Variants in TANC1 observed in about 807,000 individuals in gnomAD.
TANC1 encodes protein TANC1.
TANC1 carries 77 observed loss-of-function variants against 149.7 expected under a neutral mutation model. The observed-to-expected ratio is 0.51, with a 90% CI of 0.43 to 0.62. The LOEUF (loss-of-function observed/expected upper bound fraction) is 0.62, where lower values mean the gene tolerates loss of function less well. TANC1 is among the 20% of genes least tolerant of loss of function. The pLI, the probability that TANC1 is intolerant of heterozygous loss-of-function variation, is 0.00. For missense variants in TANC1, 1,985 were observed against 2,321.8 expected (o/e 0.85, Z 2.98); for synonymous variants, 854 against 925.0 (o/e 0.92, Z 1.39).
chr2:159,212,129 C>G (rs946474648), intron 19 of TANC1, among the ~76,000 whole-genome samples: 9 of 152,208 alleles, frequency 5.9e-5, no homozygotes, highest in Non-Finnish European at 7.3e-5. Flanking sequence ...GTAGATGAAG[C>G]TTGTTTACCA....
intron 2 of TANC1, among the ~76,000 whole-genome samples, chr2:159,007,763 G>A (rs1334272839): frequency 6.6e-6 from 1 of 152,148 alleles, no homozygotes; most frequent in Admixed American, 6.5e-5. Flanking sequence ...TGAAGAAGTG[G>A]AGAGGAGATG....
At chr2:159,003,909 G>A (rs1027560372) in intron 2 of TANC1, 21 of 1,612,766 alleles carry the variant, frequency 1.3e-5, no homozygotes, top group African/African-American at 8.0e-5. Flanking sequence ...GATACAGCTC[G>A]CAGAAAGAAG....
intron 4 of TANC1, among the ~76,000 whole-genome samples, chr2:159,120,195 G>A (rs759188622): frequency 2.0e-5 from 3 of 152,164 alleles, no homozygotes; most frequent in Non-Finnish European, 4.4e-5. Context: ...GGACGTAGGT[G>A]ACAATAGTGT....
At chr2:159,094,785 T>TGGGG (rs1406648817) in intron 3 of TANC1, among the ~76,000 whole-genome samples, 1 of 58,550 alleles carries the variant, frequency 1.7e-5, no homozygotes, top group African/African-American at 9.1e-5. Flanking sequence ...GGGGGGGGGG[T>TGGGG]GGGGGCCAGC....
intron 2 of TANC1, among the ~76,000 whole-genome samples, chr2:159,022,400 A>C (rs2038900465): frequency 6.6e-6 from 1 of 152,186 alleles, no homozygotes; most frequent in South Asian, 2.1e-4. Flanking sequence ...ACTTGAATTC[A>C]GGATGTTTGT....
intron 7 of TANC1, among the ~76,000 whole-genome samples, chr2:159,159,993 CA>C (rs35392745): frequency 6.6e-6 from 1 of 151,288 alleles, no homozygotes; most frequent in Admixed American, 6.6e-5. Flanking sequence ...CCATATTATT[CA>C]AAAAAAAGAA....
chr2:159,106,775 A>G (rs370391), intron 4 of TANC1, among the ~76,000 whole-genome samples: 21,199 of 152,222 alleles, frequency 0.14, 2,391 homozygotes, highest in East Asian at 0.59. Flanking sequence ...ACTATTTTAT[A>G]TCACTACCAG....
rs1303420042 is a variant in TANC1, at chr2:158,981,526, T to C, written c.-126+12744T>C. Among the ~76,000 whole-genome samples the C allele has an allele frequency of 7.9e-4, 96 of 120,932 alleles. 1 individual carries two copies. The highest frequency in any genetic ancestry group is 2.7e-3 in the African/African-American group (89 of 33,394). The allele number at this position is 120,932 out of a possible 152,430, so 79.3% of individuals were successfully genotyped here. On this transcript the variant is annotated intron_variant, in intron 1 of 26. Coordinates refer to ENST00000263635, the MANE Select transcript of TANC1 (RefSeq NM_033394.3). ...ATATATATATATATATATATATATA[T>C]ATATATATATATATATAAAGAAGTA... is the stretch of plus-strand genomic sequence containing the variant.
intron 2 of TANC1, among the ~76,000 whole-genome samples, chr2:159,036,120 T>C (rs2040170841): frequency 6.6e-6 from 1 of 152,164 alleles, no homozygotes; most frequent in African/African-American, 2.4e-5. Context: ...CTGAAGGACA[T>C]GCAGCAGCTG....
intron 23 of TANC1, 189 bp from the exon 24 acceptor site, chr2:159,225,499 T>C (rs1402875556): frequency 3.3e-6 from 2 of 605,468 alleles, no homozygotes; most frequent in African/African-American, 1.9e-5. Context: ...AAGGACAGAT[T>C]TGAGTGCCCA....
chr2:159,042,679 G>A (rs552671164), intron 2 of TANC1, among the ~76,000 whole-genome samples: 2 of 152,156 alleles, frequency 1.3e-5, no homozygotes, highest in East Asian at 1.9e-4. Flanking sequence ...GGGGTGGTGT[G>A]GGCATGCAGG....
intron 4 of TANC1, 50 bp downstream of exon 4, chr2:159,097,884 T>C (rs370210602): frequency 4.6e-5 from 71 of 1,540,778 alleles, no homozygotes; most frequent in Non-Finnish European, 5.8e-5. Context: ...AGTACCTGCA[T>C]TGAAAATAAG....
At chr2:158,992,872 G>C (rs1559109957) in intron 1 of TANC1, among the ~76,000 whole-genome samples, 1 of 151,900 alleles carries the variant, frequency 6.6e-6, no homozygotes, top group Non-Finnish European at 1.5e-5. Flanking sequence ...CTCCTCCTTG[G>C]CTTTTTAAAT....
At chr2:159,017,043 TATA>T (rs34771817) in intron 2 of TANC1, among the ~76,000 whole-genome samples, 32,898 of 152,056 alleles carry the variant, frequency 0.22, 3,865 homozygotes, top group South Asian at 0.45. Flanking sequence ...ATCCTAGGAG[TATA>T]AAAGTAATTG....
chr2:159,201,242 G>C (rs1480754090), intron 19 of TANC1, among the ~76,000 whole-genome samples: 1 of 152,196 alleles, frequency 6.6e-6, no homozygotes, highest in African/African-American at 2.4e-5. Context: ...AAATCTTGCA[G>C]GGGGTTTCAG....
At chr2:159,070,784 G>C (rs547374238) in intron 3 of TANC1, among the ~76,000 whole-genome samples, 25 of 152,252 alleles carry the variant, frequency 1.6e-4, no homozygotes, top group African/African-American at 5.8e-4. Context: ...CATTGTGGAG[G>C]ATTCTTCAGT....
At chr2:159,002,910 G>A (rs902781999) in intron 2 of TANC1, among the ~76,000 whole-genome samples, 2 of 152,208 alleles carry the variant, frequency 1.3e-5, no homozygotes, top group South Asian at 2.1e-4. Context: ...GCCTGGAAGT[G>A]ACATCATGAG....
At chr2:159,040,816 T>TGCATTCCTTTGGAGGAGAAGAG (rs1309050678) in intron 2 of TANC1, among the ~76,000 whole-genome samples, 1 of 152,224 alleles carries the variant, frequency 6.6e-6, no homozygotes, top group East Asian at 1.9e-4. Context: ...GGTAAGGAGC[T>TGCATTCCTTTGGAGGAGAAGAG]GCATTCCTTT....
Position 159,019,665 on chromosome 2 carries a change from T to G in TANC1, c.-16+18476T>G, listed in dbSNP as rs1334947446. On this transcript the variant is annotated intron_variant, in intron 2 of 26. Coordinates refer to ENST00000263635, the MANE Select transcript of TANC1 (RefSeq NM_033394.3). Reference sequence around the variant, plus strand: ...TTGCTTTCTTTCTGTTTTTTTTTTTTTTTTTTTTTTTTTTTTTTTTTGAGG... The same window carrying G: ...TTGCTTTCTTTCTGTTTTTTTTTTTGTTTTTTTTTTTTTTTTTTTTTGAGG... 1.7e-4 allele frequency among the ~76,000 whole-genome samples: 9 copies of G among 53,718 alleles called. No homozygotes were observed. The South Asian group carries it at 5.5e-3, about 33-fold the overall frequency. 35.2% of individuals were successfully genotyped at this position (53,718 alleles called of 152,430 possible).
Sources: gnomAD v4.1 joint callset for allele counts (sites outside exome capture counted in the v4.1 genomes callset) on GRCh38, gnomAD v4.1.1 for gene constraint, MANE v1.5 for transcripts, NCBI Gene and HGNC (gene_info 2026-07-23, HGNC 2026-07-21) for gene names.